FLNA: variants seen among roughly 807,000 people sequenced by gnomAD.
The protein encoded by FLNA is filamin-A.
FLNA carries 7 observed loss-of-function variants against 157.6 expected under a neutral mutation model. The observed-to-expected ratio is 0.04, with a 90% CI of 0.03 to 0.08. The LOEUF (loss-of-function observed/expected upper bound fraction) is 0.08, where lower values mean the gene tolerates loss of function less well. Among genes scored for constraint, FLNA ranks in the 10% least tolerant of loss-of-function variants. FLNA has a pLI of 1.00. For missense variants in FLNA, 1,750 were observed against 2,398.4 expected, an observed-to-expected ratio of 0.73 and a Z score of 5.65; for synonymous variants, 1,103 against 1,060.8, an observed-to-expected ratio of 1.04 and a Z score of -0.77.
At chrX:154,370,630 G>A (rs1339843423) in intron 2 of FLNA, among the ~76,000 whole-genome samples, 1 of 113,037 alleles carries the variant, frequency 8.8e-6, no homozygotes, top group Non-Finnish European at 1.9e-5. Context: ...TGTGAGTTCA[G>A]CCTGGGCGCC....
chrX:154,372,250 G>A (rs1421584023), intron 1 of FLNA, among the ~76,000 whole-genome samples: 1 of 113,310 alleles, frequency 8.8e-6, no homozygotes, highest in Non-Finnish European at 1.9e-5. Flanking sequence ...AACCCTTCAT[G>A]CCAGTTCACC....
rs2067710102 is a variant in FLNA at position 154,361,376 on chromosome X, A to G, written c.3139T>C (p.Tyr1047His). The change falls in exon 21 of 48, where the codon TAT becomes CAT. Residue 1047 changes from tyrosine to histidine, a missense_variant. Transcript: ENST00000369850. ...CTGCCAGGCACGGGCACGCCGTCAT[A>G]GGTCACCTCCACCTCATAGGGCCCT... is the stretch of plus-strand genomic sequence containing the variant. ...EEGPYEVEVT[Y>H]DGVPVPGSPF... 8.3e-7 allele frequency: 1 copy of G among 1,210,357 alleles called. No homozygotes were observed. The highest frequency in any genetic ancestry group is 1.1e-6 in the Non-Finnish European group (1 of 895,144).
rs782267549 is a variant in FLNA, at chrX:154,350,243, C to T, written c.7157-36G>A. The stretch of plus-strand genomic sequence containing the variant: ...GGGAGTCATGCTGTGGGCCTGGGGC[C>T]CCTCCTCAAACCAGCAGATGGTGTC... On this transcript the variant is annotated intron_variant, in intron 44 of 47. Coordinates refer to ENST00000369850, the MANE Select transcript of FLNA (RefSeq NM_001110556.2). 4 of 1,167,287 alleles carry T rather than the reference C, an allele frequency of 3.4e-6. No homozygotes were observed. In the East Asian group the frequency reaches 8.9e-5, roughly 26 times the overall value.
chrX:154,371,671 C>T (rs1270459572), intron 1 of FLNA, among the ~76,000 whole-genome samples: 5 of 113,281 alleles, frequency 4.4e-5, no homozygotes, highest in African/African-American at 1.6e-4. Flanking sequence ...GCTTGGCCTG[C>T]AGCCGGCGCG....
In FLNA at chrX:154,361,959, G is replaced by A. The variant is rs782775231; in HGVS notation, c.2826+20C>T. 7.5e-6 allele frequency: 9 copies of A among 1,205,295 alleles called. No homozygotes were observed. The highest frequency in any genetic ancestry group is 5.9e-5 in the East Asian group (2 of 33,739). On this transcript the variant is annotated intron_variant, in intron 19 of 47. Transcript: ENST00000369850. ...TGAGGAGGCTGGGGACTCGGTGACT[G>A]TAGTGGAGGGTGTGGCTACCTGCTG...
intron 5 of FLNA, 26 bp from the exon 6 acceptor site, chrX:154,366,876 C>T (rs369755826): frequency 3.0e-5 from 34 of 1,136,243 alleles, no homozygotes; most frequent in Non-Finnish European, 3.6e-5. Flanking sequence ...GAGCCAACCA[C>T]GGGCCAGCTG....
Position 154,364,617 on chromosome X carries a change from G to A in FLNA, c.1931C>T (p.Ala644Val). 8.3e-7 allele frequency: 1 copy of A among 1,211,080 alleles called. No individual in the cohort carries two copies. The highest frequency in any genetic ancestry group is 1.1e-6 in the Non-Finnish European group (1 of 895,420). Residue 644 changes from alanine to valine, a missense_variant, in exon 13 of 48, where the codon GCC becomes GTC. Physicochemically the swap from Ala to Val is moderately conservative, Grantham distance 64 (BLOSUM62 0). Coordinates refer to ENST00000369850, the MANE Select transcript of FLNA (RefSeq NM_001110556.2). The stretch of plus-strand genomic sequence containing the variant: ...TTCGCTGTTGCACAGCACGTGAACG[G>A]CATACTCGCCAGCCTCCTGCGGCCA... ...RYWPQEAGEYAVHVLCNSEDI... is the reference protein window; with the variant it reads ...RYWPQEAGEYVVHVLCNSEDI...
At chrX:154,358,942 A>G (rs782742403) in intron 26 of FLNA, 42 bp downstream of exon 26, 8 of 1,196,700 alleles carry the variant, frequency 6.7e-6, no homozygotes, top group Non-Finnish European at 9.0e-6. Context: ...CAAACAGGAC[A>G]CTGCCCTCCT....
chrX:154,354,796 C>T (rs782403568), intron 31 of FLNA, 29 bp downstream of exon 31: 11 of 1,210,328 alleles, frequency 9.1e-6, no homozygotes, highest in Admixed American at 4.3e-5. Context: ...CCAGACACCC[C>T]TGCTGACCTA....
intron 5 of FLNA, 136 bp from the exon 6 acceptor site, chrX:154,366,986 G>A: frequency 1.8e-6 from 1 of 543,424 alleles, no homozygotes; most frequent in Non-Finnish European, 3.2e-6. Context: ...GTGAGCTGTG[G>A]CACAGAGCCT....
rs782602947 is a variant in FLNA at position 154,349,671 on chromosome X, G to A, written c.7530C>T (p.Ser2510=). The change falls in exon 46 of 48, where the codon AGC becomes AGT. Residue 2510 remains serine (S), a synonymous_variant. Transcript: ENST00000369850. The part of the protein sequence containing the change: ...KYGGPYHIGG[S]PFKAKVTGPR... ...CACCTGTGACTTTGGCCTTGAAGGG[G>A]CTGCCCCCAATGTGGTAGGGGCCGC... 1.5e-5 allele frequency: 18 copies of A among 1,211,983 alleles called. No individual in the cohort carries two copies. The East Asian group carries it at 4.4e-4, about 30-fold the overall frequency.
In FLNA at chrX:154,362,267, G is replaced by A. The variant is rs373378793; in HGVS notation, c.2631C>T (p.Ala877=). The change falls in exon 18 of 48, where the codon GCC becomes GCT. Residue 877 remains alanine, a synonymous_variant. Coordinates refer to ENST00000369850, the MANE Select transcript of FLNA (RefSeq NM_001110556.2). ...EPSHDASKVK[A]EGPGLSRTGV... ...CAGTGCGACTGAGGCCAGGGCCCTC[G>A]GCCTTCACCTTACTGGCGTCATGAG... is the stretch of plus-strand genomic sequence containing the variant. 5 of 1,211,258 alleles carry A rather than the reference G, an allele frequency of 4.1e-6. No individual in the cohort carries two copies. Among genetic ancestry groups the A allele is most frequent in the Non-Finnish European group, 4.5e-6 (4 of 895,255 alleles).
Position 154,371,331 on chromosome X carries a change from G to T in FLNA, c.-86C>A. ...ATTAAAGTCGCAGGCACCTAGGCGC[G>T]CGGGAGGCGAGGCAGGGAGCAGAGG... On this transcript the variant is annotated 5_prime_UTR_variant, in exon 2 of 48. Coordinates refer to ENST00000369850, the MANE Select transcript of FLNA (RefSeq NM_001110556.2). 1 of 1,104,144 alleles carries T rather than the reference G, an allele frequency of 9.1e-7. No homozygotes were observed. The highest frequency in any genetic ancestry group is 1.2e-6 in the Non-Finnish European group (1 of 824,874). The allele number at this position is 1,104,144 out of a possible 1,213,427, so 91.0% of individuals were successfully genotyped here.
Position 154,354,630 on chromosome X carries a change from C to G in FLNA, c.5299G>C (p.Gly1767Arg). Residue 1767 changes from glycine to arginine, a missense_variant, in exon 32 of 48, where the codon GGC becomes CGC. Physicochemically the swap from Gly to Arg is moderately radical, Grantham distance 125 (BLOSUM62 -2). This residue lies in a region of FLNA where 970 missense variants were observed against 1,302.6 expected (regional missense o/e 0.74). Coordinates refer to ENST00000369850, the MANE Select transcript of FLNA (RefSeq NM_001110556.2). ...CCAGGCCGTACCCAAGTCTGCTGGC[C>G]GCCCTGGGCGTAGGTGTACTGTGGG... ...LAPQYTYAQG[G>R]QQTWAPERPL... 8.3e-7 allele frequency: 1 copy of G among 1,202,339 alleles called. No individual in the cohort carries two copies. Among genetic ancestry groups the G allele is most frequent in the Non-Finnish European group, 1.1e-6 (1 of 890,768 alleles).
rs1557177714 is a variant in FLNA, at chrX:154,360,177, C to T, written c.3618G>A (p.Glu1206=). The part of the protein sequence containing the change: ...EICSEAGLPA[E]VYIQDHGDGT... ...CATCACCGTGGTCCTGGATGTACACCTCGGCCGGAAGCCCCGCCTCCGAGC... is the reference window on the plus strand; with the variant it reads ...CATCACCGTGGTCCTGGATGTACACTTCGGCCGGAAGCCCCGCCTCCGAGC... Residue 1206 remains glutamate, a synonymous_variant, in exon 22 of 48, where the codon GAG becomes GAA. Transcript: ENST00000369850. The T allele has an allele frequency of 8.3e-6, 10 of 1,209,814 alleles. No individual in the cohort carries two copies. The highest frequency in any genetic ancestry group is 3.0e-5 in the East Asian group (1 of 33,816).
chrX:154,370,329 T>TGGG (rs370755957), intron 2 of FLNA, among the ~76,000 whole-genome samples: 1 of 111,349 alleles, frequency 9.0e-6, no homozygotes, highest in Admixed American at 9.4e-5. Context: ...TGTGTGTGTG[T>TGGG]GGGGGGGTAG....
At chrX:154,374,018 C>A (rs1481813088) in intron 1 of FLNA, among the ~76,000 whole-genome samples, 1 of 112,539 alleles carries the variant, frequency 8.9e-6, no homozygotes, top group Non-Finnish European at 1.9e-5. Flanking sequence ...AGTAGAGCAG[C>A]CCCAGAACCA....
Position 154,351,655 on chromosome X carries a change from G to C in FLNA, c.6949C>G (p.Pro2317Ala), listed in dbSNP as rs1569551436. The C allele has an allele frequency of 8.3e-7, 1 of 1,208,857 alleles. No homozygotes were observed. Among genetic ancestry groups the C allele is most frequent in the Admixed American group, 2.2e-5 (1 of 46,163 alleles). The change falls in exon 43 of 48, where the codon CCC becomes GCC. Residue 2317 changes from proline to alanine, a missense_variant. This residue lies in a region of FLNA where 970 missense variants were observed against 1,302.6 expected (regional missense o/e 0.74). Coordinates refer to ENST00000369850, the MANE Select transcript of FLNA (RefSeq NM_001110556.2). ...ACAGGCACCACGAAGGGGCTGTCGGGAATGTGTTCCTCGTTGAACTTGACT... is the reference window on the plus strand; with the variant it reads ...ACAGGCACCACGAAGGGGCTGTCGGCAATGTGTTCCTCGTTGAACTTGACT... The part of the protein sequence containing the change: ...VSVKFNEEHI[P>A]DSPFVVPVAS...
At position 154,366,200 on chromosome X, in the gene FLNA, A is replaced by G. The variant is rs1557179223; in HGVS notation, c.1253T>C (p.Val418Ala). The change falls in exon 9 of 48, where the codon GTT (valine) becomes GCT (alanine). Residue 418 changes from valine to alanine, a missense_variant. Physicochemically the swap from Val to Ala is moderately conservative, Grantham distance 64. Coordinates refer to ENST00000369850, the MANE Select transcript of FLNA (RefSeq NM_001110556.2). The stretch of plus-strand genomic sequence containing the variant: ...CTGTCCCATGGGGTCCTGGATCACA[A>G]CCTCGACCTCGCCCGTGCCAGCTCC... Reference protein sequence around the residue: ...TAGAGTGEVEVVIQDPMGQKG... With the variant: ...TAGAGTGEVEAVIQDPMGQKG... 1 of 1,209,790 alleles carries G rather than the reference A, an allele frequency of 8.3e-7. No individual in the cohort carries two copies. Among genetic ancestry groups the G allele is most frequent in the Non-Finnish European group, 1.1e-6 (1 of 895,193 alleles).
Sources: gnomAD v4.1 joint callset for allele counts (sites outside exome capture counted in the v4.1 genomes callset) on GRCh38, gnomAD v4.1.1 for gene constraint, gnomAD v4.1.1 regional missense constraint, MANE v1.5 for transcripts, NCBI Gene and HGNC (gene_info 2026-07-23, HGNC 2026-07-21) for gene names.